Variants in TMEM132C observed in about 807,000 individuals in gnomAD.
The protein encoded by TMEM132C is protein phosphatase 1, regulatory subunit 152.
A neutral mutation model predicts 61.4 loss-of-function variants in TMEM132C; 29 were observed. That is an observed-to-expected ratio of 0.47 (90% CI 0.35 to 0.64). TMEM132C has a LOEUF of 0.64. Among genes scored for constraint, TMEM132C ranks in the 30% least tolerant of loss-of-function variants. TMEM132C has a pLI of 0.00. For synonymous variants in TMEM132C, 656 were observed against 633.1 expected (o/e 1.04, Z -0.54); for missense variants, 1,408 against 1,476.9 (o/e 0.95, Z 0.76).
Position 128,479,902 on chromosome 12 carries a change from C to A in TMEM132C, c.975-64055C>A, listed in dbSNP as rs555610854. On this transcript the variant is annotated intron_variant, in intron 2 of 8. Coordinates refer to ENST00000435159, the MANE Select transcript of TMEM132C (RefSeq NM_001136103.3). Reference sequence around the variant, plus strand: ...AGATTGAGTGCTTAAAACAGTGCCTCACACATAAAAATGATTCCTTCAGTA... The same window carrying A: ...AGATTGAGTGCTTAAAACAGTGCCTAACACATAAAAATGATTCCTTCAGTA... 1.6e-4 allele frequency among the ~76,000 whole-genome samples: 25 copies of A among 152,292 alleles called. No individual in the cohort carries two copies. The East Asian group carries it at 4.8e-3, about 29-fold the overall frequency.
intron 1 of TMEM132C, among the ~76,000 whole-genome samples, chr12:128,307,265 A>T (rs940970476): frequency 2.6e-5 from 4 of 152,180 alleles, no homozygotes; most frequent in African/African-American, 9.7e-5. Context: ...TCTGTCCCCA[A>T]AGTGGGGTGT....
chr12:128,559,138 G>GAC (rs1216177327), intron 3 of TMEM132C, among the ~76,000 whole-genome samples: 1 of 146,522 alleles, frequency 6.8e-6, no homozygotes, highest in Non-Finnish European at 1.5e-5. Flanking sequence ...GACACACACA[G>GAC]ACACACACAC....
intron 2 of TMEM132C, among the ~76,000 whole-genome samples, chr12:128,485,875 C>T (rs73422530): frequency 2.1e-3 from 319 of 152,254 alleles, no homozygotes; most frequent in African/African-American, 7.6e-3. Context: ...TCCCTTCTTC[C>T]TCCTCCTCCT....
chr12:128,564,663 A>G (rs548606757), intron 3 of TMEM132C, among the ~76,000 whole-genome samples: 1 of 152,324 alleles, frequency 6.6e-6, no homozygotes, highest in Admixed American at 6.5e-5. Context: ...TGCCACTTAC[A>G]TCTCGTACAA....
chr12:128,470,424 T>C (rs1310619492), intron 2 of TMEM132C, among the ~76,000 whole-genome samples: 3 of 152,214 alleles, frequency 2.0e-5, no homozygotes, highest in African/African-American at 7.2e-5. Flanking sequence ...CTTTTCATCC[T>C]TGCTAATCAC....
At chr12:128,496,520 C>A (rs920972908) in intron 2 of TMEM132C, among the ~76,000 whole-genome samples, 2 of 152,138 alleles carry the variant, frequency 1.3e-5, no homozygotes, top group African/African-American at 4.8e-5. Context: ...TTCTTGGAGG[C>A]TTTATTCATT....
chr12:128,653,463 A>G (rs771211844), intron 4 of TMEM132C, among the ~76,000 whole-genome samples: 21 of 152,156 alleles, frequency 1.4e-4, no homozygotes, highest in Non-Finnish European at 2.8e-4. Flanking sequence ...ATGCATTTGC[A>G]TTTTCTGAGT....
At chr12:128,542,459 C>G (rs1873790640) in intron 2 of TMEM132C, among the ~76,000 whole-genome samples, 1 of 152,130 alleles carries the variant, frequency 6.6e-6, no homozygotes, top group Admixed American at 6.5e-5. Flanking sequence ...GCATGCACCA[C>G]CATGCCGGGT....
At chr12:128,645,594 A>G (rs528704361) in intron 4 of TMEM132C, among the ~76,000 whole-genome samples, 2 of 152,342 alleles carry the variant, frequency 1.3e-5, no homozygotes, top group African/African-American at 4.8e-5. Context: ...CTCTCTCCTG[A>G]TAGCCTATGG....
chr12:128,377,309 T>C (rs1874223420), intron 1 of TMEM132C, among the ~76,000 whole-genome samples: 2 of 152,190 alleles, frequency 1.3e-5, no homozygotes, highest in African/African-American at 4.8e-5. Context: ...TGCCTTGGCC[T>C]CCCAAAGGGT....
chr12:128,521,439 C>G (rs1166476481), intron 2 of TMEM132C, among the ~76,000 whole-genome samples: 1 of 150,556 alleles, frequency 6.6e-6, no homozygotes, highest in Non-Finnish European at 1.5e-5. Context: ...TAATGCTATC[C>G]CTCCCCCAGC....
chr12:128,551,352 G>C (rs909597496), intron 3 of TMEM132C, among the ~76,000 whole-genome samples: 3 of 152,128 alleles, frequency 2.0e-5, no homozygotes, highest in Admixed American at 6.5e-5. Context: ...GACCAGGGTT[G>C]TTATGGTCCT....
At chr12:128,523,929 C>T (rs1872997170) in intron 2 of TMEM132C, among the ~76,000 whole-genome samples, 1 of 151,196 alleles carries the variant, frequency 6.6e-6, no homozygotes, top group African/African-American at 2.4e-5. Context: ...GGGAGGATTG[C>T]TTCAGCCCTG....
chr12:128,655,818 G>C (rs1039608677), intron 4 of TMEM132C, among the ~76,000 whole-genome samples: 1 of 152,004 alleles, frequency 6.6e-6, no homozygotes, highest in Non-Finnish European at 1.5e-5. Context: ...TTGTTGTAAC[G>C]CATTCCAGTA....
chr12:128,641,600 G>A (rs1035826420), intron 4 of TMEM132C, among the ~76,000 whole-genome samples: 2 of 152,078 alleles, frequency 1.3e-5, no homozygotes, highest in African/African-American at 4.8e-5. Context: ...ACCAGCAGCT[G>A]GAAGAGGCAA....
chr12:128,333,424 G>A (rs2090135768), intron 1 of TMEM132C, among the ~76,000 whole-genome samples: 1 of 151,890 alleles, frequency 6.6e-6, no homozygotes, highest in Admixed American at 6.6e-5. Flanking sequence ...GGATGAGAGT[G>A]TGTGTGAGTG....
chr12:128,298,291 T>TC, intron 1 of TMEM132C, among the ~76,000 whole-genome samples: 2 of 152,116 alleles, frequency 1.3e-5, no homozygotes, highest in Non-Finnish European at 2.9e-5. Flanking sequence ...CGCCCTCTCC[T>TC]CCCCCGGGCC....
chr12:128,608,813 G>GA (rs1876515448), intron 3 of TMEM132C, among the ~76,000 whole-genome samples: 1 of 152,154 alleles, frequency 6.6e-6, no homozygotes, highest in Admixed American at 6.5e-5. Flanking sequence ...AGCCAGGATG[G>GA]AGAGCCCCTG....
chr12:128,417,904 TATA>T (rs1219262256), intron 2 of TMEM132C, among the ~76,000 whole-genome samples: 2 of 152,226 alleles, frequency 1.3e-5, no homozygotes, highest in Non-Finnish European at 2.9e-5. Flanking sequence ...AGTGTCTTTG[TATA>T]ATGACAGGAG....
Sources: allele counts gnomAD v4.1 joint callset (sites outside exome capture counted in the v4.1 genomes callset), GRCh38; gene constraint gnomAD v4.1.1; transcripts MANE v1.5; gene names NCBI Gene and HGNC (gene_info 2026-07-23, HGNC 2026-07-21).